Variants in HTATIP2 observed in about 807,000 individuals in gnomAD.
The protein encoded by HTATIP2 is protein HTATIP2.
In HTATIP2, 26 loss-of-function variants were observed where a neutral mutation model predicts 24.7. That is an observed-to-expected ratio of 1.05 (90% CI 0.77 to 1.46). HTATIP2 has a LOEUF of 1.46. HTATIP2 is among the 40% of genes most tolerant of loss of function. The pLI, the probability that HTATIP2 is intolerant of heterozygous loss-of-function variation, is 0.00. For missense variants in HTATIP2, 284 were observed against 289.6 expected (o/e 0.98, Z 0.14); for synonymous variants, 99 against 113.2 (o/e 0.87, Z 0.79).
At chr11:20,381,372 G>A (rs1042020083) in intron 3 of HTATIP2, among the ~76,000 whole-genome samples, 1 of 152,034 alleles carries the variant, frequency 6.6e-6, no homozygotes, top group Non-Finnish European at 1.5e-5. Flanking sequence ...CCTGGGAGGT[G>A]GAAGTTGCAG....
chr11:20,381,129 A>G (rs1223509474), intron 3 of HTATIP2, among the ~76,000 whole-genome samples: 1 of 96,502 alleles, frequency 1.0e-5, no homozygotes, highest in Non-Finnish European at 2.3e-5. Context: ...TGTATATACT[A>G]AAAACCACCT....
chr11:20,373,287 C>G (rs1055338214), intron 2 of HTATIP2, among the ~76,000 whole-genome samples: 1 of 152,030 alleles, frequency 6.6e-6, no homozygotes, highest in Non-Finnish European at 1.5e-5. Flanking sequence ...GTCTGATGGC[C>G]GGGGTGGTAT....
At chr11:20,372,751 G>GT (rs762625904) in intron 2 of HTATIP2, among the ~76,000 whole-genome samples, 2 of 152,030 alleles carry the variant, frequency 1.3e-5, no homozygotes, top group East Asian at 1.9e-4. Flanking sequence ...TTTTTCTGTT[G>GT]TTTTTTTAAT....
At chr11:20,379,478 A>ATG (rs755698271) in intron 3 of HTATIP2, among the ~76,000 whole-genome samples, 8 of 152,090 alleles carry the variant, frequency 5.3e-5, no homozygotes, top group Non-Finnish European at 1.2e-4. Context: ...CTCAGCCTCC[A>ATG]TGTGTGTATG....
chr11:20,364,544 A>G, intron 1 of HTATIP2, 112 bp downstream of exon 1: 1 of 967,292 alleles, frequency 1.0e-6, no homozygotes, highest in Non-Finnish European at 1.5e-6. Flanking sequence ...GTGAGAGGCC[A>G]TCAAAACTTG....
chr11:20,372,136 AC>A (rs1342646941), intron 2 of HTATIP2, among the ~76,000 whole-genome samples: 1 of 152,128 alleles, frequency 6.6e-6, no homozygotes, highest in Admixed American at 6.5e-5. Context: ...TTTTTTAGAG[AC>A]AGGGTCTCAC....
chr11:20,367,952 G>C (rs1024961543), intron 2 of HTATIP2, among the ~76,000 whole-genome samples: 1 of 152,168 alleles, frequency 6.6e-6, no homozygotes, highest in Non-Finnish European at 1.5e-5. Flanking sequence ...AAATGTTAGT[G>C]CGGGTACATC....
rs557933388 is a variant in HTATIP2 at position 20,369,846 on chromosome 11, C to T, written c.303+2565C>T. The stretch of plus-strand genomic sequence containing the variant: ...CATACGCATTTTGGGGGGATGTAAT[C>T]CAACCCACAAAATTCAGTCTACTCA... On this transcript the variant is annotated intron_variant, in intron 2 of 4. Transcript: ENST00000451739. Among the ~76,000 whole-genome samples the T allele has an allele frequency of 2.1e-3, 318 of 152,256 alleles. 3 individuals carry two copies. The highest frequency in any genetic ancestry group is 3.6e-3 in the Non-Finnish European group (245 of 68,028).
intron 2 of HTATIP2, 161 bp from the exon 3 acceptor site, chr11:20,376,419 C>G (rs188492287): frequency 2.7e-6 from 2 of 745,034 alleles, no homozygotes. Context: ...AGACCTGGAG[C>G]CTTTCCCAGG....
intron 2 of HTATIP2, among the ~76,000 whole-genome samples, chr11:20,371,448 G>A (rs1476649176): frequency 2.0e-5 from 3 of 152,014 alleles, no homozygotes; most frequent in Admixed American, 6.5e-5. Flanking sequence ...TCATTCCATC[G>A]CCCAGGCTGG....
At chr11:20,379,398 GA>G (rs1382376566) in intron 3 of HTATIP2, among the ~76,000 whole-genome samples, 3 of 152,164 alleles carry the variant, frequency 2.0e-5, no homozygotes, top group African/African-American at 7.2e-5. Flanking sequence ...TTACAATTTG[GA>G]AAGATTATCT....
chr11:20,376,198 T>G, intron 2 of HTATIP2: 1 of 221,548 alleles, frequency 4.5e-6, no homozygotes. Context: ...CCCTACCACA[T>G]TAGAATTGAC....
intron 4 of HTATIP2, 34 bp from the exon 5 acceptor site, chr11:20,382,946 G>T (rs1230964993): frequency 2.6e-6 from 4 of 1,518,750 alleles, no homozygotes; most frequent in Non-Finnish European, 3.6e-6. Context: ...CTCTTCCTCT[G>T]CTTTTCTTTC....
intron 3 of HTATIP2, among the ~76,000 whole-genome samples, 175 bp from the exon 4 acceptor site, chr11:20,382,003 T>C (rs1432810913): frequency 6.6e-6 from 1 of 152,252 alleles, no homozygotes; most frequent in Non-Finnish European, 1.5e-5. Flanking sequence ...CAGGATTAAA[T>C]GATCTCTTCC....
rs551628333 is a variant in HTATIP2, at chr11:20,374,645, T to C, written c.304-1935T>C. 6.1e-3 allele frequency among the ~76,000 whole-genome samples: 923 copies of C among 152,332 alleles called. 5 individuals are homozygous for C. Among genetic ancestry groups the C allele is most frequent in the Non-Finnish European group, 9.5e-3 (647 of 68,032 alleles). ...CCCTTGTGATTACATTGGGCCCACA[T>C]GGATAATTCAAACTAATCTCTCTGT... On this transcript the variant is annotated intron_variant, in intron 2 of 4. Coordinates refer to ENST00000451739, the MANE Select transcript of HTATIP2 (RefSeq NM_001098522.2).
In HTATIP2 at chr11:20,376,456, T is replaced by G. The variant is rs376453586; in HGVS notation, c.304-124T>G. 3.1e-5 allele frequency: 34 copies of G among 1,088,634 alleles called. No homozygotes were observed. In the African/African-American group the frequency reaches 5.0e-4, roughly 16 times the overall value. The allele number at this position is 1,088,634 out of a possible 1,614,324, so 67.4% of individuals were successfully genotyped here. On this transcript the variant is annotated intron_variant, in intron 2 of 4. Transcript: ENST00000451739. The stretch of plus-strand genomic sequence containing the variant: ...TCTAAGCCTGACTTTCATGTATTGC[T>G]TGGACACATTTTATTTAGATCTCCA...
intron 2 of HTATIP2, among the ~76,000 whole-genome samples, chr11:20,369,167 T>C (rs1233401098): frequency 2.6e-5 from 4 of 152,226 alleles, no homozygotes; most frequent in African/African-American, 9.6e-5. Context: ...TGTGGCTAAG[T>C]AACGATAGTG....
chr11:20,381,994 A>G (rs915869685), intron 3 of HTATIP2, among the ~76,000 whole-genome samples, 184 bp from the exon 4 acceptor site: 4 of 152,252 alleles, frequency 2.6e-5, no homozygotes, highest in African/African-American at 9.6e-5. Context: ...ACTACACATC[A>G]GGATTAAATG....
In HTATIP2 at chr11:20,368,136, A is replaced by G. The variant is rs114500660; in HGVS notation, c.303+855A>G. Among the ~76,000 whole-genome samples the G allele has an allele frequency of 9.8e-3, 1,487 of 152,020 alleles. 26 individuals carry two copies. The highest frequency in any genetic ancestry group is 0.034 in the African/African-American group (1,415 of 41,538). On this transcript the variant is annotated intron_variant, in intron 2 of 4. Transcript: ENST00000451739. ...GAAAGTGAAAAAAGTAAATAAATAA[A>G]TAAAGCCGAGGCACAGTGGTTCATG...
Sources: allele counts gnomAD v4.1 joint callset (sites outside exome capture counted in the v4.1 genomes callset), GRCh38; gene constraint gnomAD v4.1.1; transcripts MANE v1.5; gene names NCBI Gene and HGNC (gene_info 2026-07-23, HGNC 2026-07-21).